The following TSPAN4 variants were observed in gnomAD, a reference collection of about 807,000 sequenced individuals.
The protein encoded by TSPAN4 is tetraspanin 4, also known as tetraspanin-4.
In TSPAN4, 38 loss-of-function variants were observed where a neutral mutation model predicts 31.5. The ratio of observed to expected loss-of-function variants is 1.21; its 90% CI spans 0.93 to 1.58. The LOEUF is 1.58. Ranked by LOEUF, TSPAN4 falls within the 40% of genes most tolerant of loss-of-function variation. The probability of loss-of-function intolerance (pLI) is 0.00; values close to 1 mark genes in which losing one functional copy is unlikely to be tolerated. For synonymous variants in TSPAN4, 186 were observed against 144.6 expected, an observed-to-expected ratio of 1.29 and a Z score of -2.06; for missense variants, 330 against 317.3, an observed-to-expected ratio of 1.04 and a Z score of -0.30.
intron 3 of TSPAN4, among the ~76,000 whole-genome samples, chr11:855,742 C>T (rs1848008749): frequency 6.6e-6 from 1 of 152,214 alleles, no homozygotes; most frequent in Non-Finnish European, 1.5e-5. Flanking sequence ...AGTGGACAGA[C>T]TTGTCATCCC....
At chr11:844,994 C>T (rs1037819409) in intron 1 of TSPAN4, among the ~76,000 whole-genome samples, 2 of 152,180 alleles carry the variant, frequency 1.3e-5, no homozygotes, top group African/African-American at 4.8e-5. Context: ...GGCTGGGATT[C>T]AGCTGAACTT....
At chr11:856,129 T>C (rs1032420509) in intron 3 of TSPAN4, among the ~76,000 whole-genome samples, 2 of 151,208 alleles carry the variant, frequency 1.3e-5, no homozygotes, top group African/African-American at 4.8e-5. Context: ...GAGCAGAGAA[T>C]GCATGGGCCT....
chr11:861,871 C>T (rs1383251335), intron 3 of TSPAN4, among the ~76,000 whole-genome samples: 3 of 152,118 alleles, frequency 2.0e-5, no homozygotes, highest in Non-Finnish European at 4.4e-5. Context: ...TGCAGTGAGC[C>T]CAGATGGTGC....
At chr11:854,665 G>C (rs1206456811) in intron 3 of TSPAN4, among the ~76,000 whole-genome samples, 2 of 152,232 alleles carry the variant, frequency 1.3e-5, no homozygotes, top group African/African-American at 2.4e-5. Flanking sequence ...ACTCTCTGTT[G>C]TTCCAAAGGA....
chr11:850,390 GGGCCCGGGAAA>G (rs1565131859), intron 3 of TSPAN4, 23 bp downstream of exon 3: 1 of 1,593,038 alleles, frequency 6.3e-7, no homozygotes, highest in East Asian at 2.2e-5. Flanking sequence ...GCCGGGGTGG[GGGCCCGGGAAA>G]GACCCGGGGT....
chr11:860,830 C>T (rs1465029972), intron 3 of TSPAN4, among the ~76,000 whole-genome samples: 1 of 152,128 alleles, frequency 6.6e-6, no homozygotes, highest in East Asian at 1.9e-4. Flanking sequence ...CCAGCCCATT[C>T]CCAAGTCCTG....
At chr11:865,888 CCGTGA>C (rs1194456998) in intron 7 of TSPAN4, 25 bp from the exon 8 acceptor site, 1 of 1,612,872 alleles carries the variant, frequency 6.2e-7, no homozygotes, top group Admixed American at 1.7e-5. Flanking sequence ...GCAGGCCCTG[CCGTGA>C]CACGCATGAC....
Position 865,619 on chromosome 11 carries a change from G to C in TSPAN4, c.432+5G>C. The C allele has an allele frequency of 6.2e-7, 1 of 1,612,856 alleles. No homozygotes were observed. Among genetic ancestry groups the C allele is most frequent in the East Asian group, 2.2e-5 (1 of 44,870 alleles). The stretch of plus-strand genomic sequence containing the variant: ...TGGAGCATCATCCAGACCGACGTGA[G>C]GCGTGGGCAGGTGGGCGGGGTCGGC... On this transcript the variant is annotated splice_donor_5th_base_variant and intron_variant, in intron 6 of 8. Coordinates refer to ENST00000397397, the MANE Select transcript of TSPAN4 (RefSeq NM_003271.5).
intron 3 of TSPAN4, chr11:856,732 A>C (rs1848064857): frequency 6.6e-6 from 1 of 152,290 alleles, no homozygotes; most frequent in African/African-American, 2.4e-5. Flanking sequence ...GCATTTGACC[A>C]GAGGGACCTG....
At position 848,850 on chromosome 11, in the gene TSPAN4, T is replaced by A. The variant is rs1847464735; in HGVS notation, c.-17-1438T>A. 1.5e-6 allele frequency: 1 copy of A among 688,184 alleles called. No homozygotes were observed. Among genetic ancestry groups the A allele is most frequent in the South Asian group, 1.6e-5 (1 of 62,856 alleles). The allele number at this position is 688,184 out of a possible 1,614,324, so 42.6% of individuals were successfully genotyped here. ...GCTGCAGGGCACAGCTGGGGGCCTC[T>A]GTCCCCATCTCCGGCTGTGGGAGGT... On this transcript the variant is annotated intron_variant, in intron 2 of 8. Coordinates refer to ENST00000397397, the MANE Select transcript of TSPAN4 (RefSeq NM_003271.5). The surrounding 1 kb of genome is among the most constrained non-coding windows in gnomAD (Gnocchi z 5.7).
At chr11:856,640 G>A (rs868552283) in intron 3 of TSPAN4, among the ~76,000 whole-genome samples, 3 of 152,296 alleles carry the variant, frequency 2.0e-5, no homozygotes, top group Admixed American at 1.3e-4. Context: ...TCTGGTTTCC[G>A]GGTCCAGGCC....
intron 1 of TSPAN4, among the ~76,000 whole-genome samples, chr11:845,110 G>C (rs989546305): frequency 1.3e-5 from 2 of 152,184 alleles, no homozygotes; most frequent in African/African-American, 4.8e-5. Flanking sequence ...GCTGAGGCTG[G>C]GCATGACCTT....
rs569205882 is a variant in TSPAN4 at position 845,929 on chromosome 11, C to T, written c.-117-1272C>T. Among the ~76,000 whole-genome samples, 294 of 152,296 alleles carry T rather than the reference C, an allele frequency of 1.9e-3. 3 individuals are homozygous for T. Among genetic ancestry groups the T allele is most frequent in the Non-Finnish European group, 7.2e-4 (49 of 68,010 alleles). ...CTGTATGTAGCCCCCAGTCCCTGCTCCTCTGTGTGCATGAGGGAGTGCCAG... is the reference window on the plus strand; with the variant it reads ...CTGTATGTAGCCCCCAGTCCCTGCTTCTCTGTGTGCATGAGGGAGTGCCAG... On this transcript the variant is annotated intron_variant, in intron 1 of 8. Coordinates refer to ENST00000397397, the MANE Select transcript of TSPAN4 (RefSeq NM_003271.5).
chr11:849,222 G>A (rs905026904), intron 2 of TSPAN4, among the ~76,000 whole-genome samples: 8 of 152,088 alleles, frequency 5.3e-5, no homozygotes, highest in Admixed American at 5.2e-4. Flanking sequence ...CTGGTGGAGG[G>A]GGGGTGGGTA....
At chr11:855,771 C>T (rs1254731783) in intron 3 of TSPAN4, among the ~76,000 whole-genome samples, 1 of 152,224 alleles carries the variant, frequency 6.6e-6, no homozygotes, top group Admixed American at 6.5e-5. Context: ...AGCATCCCAG[C>T]CATGACGGGG....
chr11:865,728 G>A lies in TSPAN4; in HGVS notation c.467G>A (p.Trp156Ter). The change falls in exon 7 of 9, where the codon TGG becomes TAG. Residue 156 changes from tryptophan to a stop codon, truncating the protein, a stop_gained. Coordinates refer to ENST00000397397, the MANE Select transcript of TSPAN4 (RefSeq NM_003271.5). LOFTEE classifies it high-confidence loss of function. ...RCCGVSNYTDWFEVYNATRVP... is the reference protein window; with the variant it reads ...RCCGVSNYTD The stretch of plus-strand genomic sequence containing the variant: ...TGTGGCGTCTCCAACTACACTGACT[G>A]GTTCGAGGTGTACAACGCCACGCGG... 2 of 1,613,466 alleles carry A rather than the reference G, an allele frequency of 1.2e-6. No individual in the cohort carries two copies. The highest frequency in any genetic ancestry group is 1.7e-6 in the Non-Finnish European group (2 of 1,179,964).
At chr11:843,162 G>A (rs577661638) in intron 1 of TSPAN4, 1 of 152,338 alleles carries the variant, frequency 6.6e-6, no homozygotes, top group South Asian at 2.1e-4. Context: ...TCTGCCCGCG[G>A]GGTGTCCGGG....
chr11:847,614 C>A (rs1171066051), intron 2 of TSPAN4, among the ~76,000 whole-genome samples: 4 of 151,008 alleles, frequency 2.6e-5, no homozygotes, highest in Non-Finnish European at 4.4e-5. Flanking sequence ...CGCCCCCACC[C>A]CCCCCCAACC....
Position 866,700 on chromosome 11 carries a change from CCCA to C in TSPAN4, c.*77_*79del. On this transcript the variant is annotated 3_prime_UTR_variant, in exon 9 of 9. Transcript: ENST00000397397. ...GATGGCCGCACCCACAGCTGCCTTT[CCCA>C]CCACCAGCCTCGGTGCTCTGCCCCA... 1.4e-6 allele frequency: 2 copies of C among 1,445,864 alleles called. No homozygotes were observed. Among genetic ancestry groups the C allele is most frequent in the Non-Finnish European group, 9.4e-7 (1 of 1,059,186 alleles). The allele number at this position is 1,445,864 out of a possible 1,614,324, so 89.6% of individuals were successfully genotyped here. A position where few individuals can be genotyped will look rare whatever the true frequency, so the allele number is the denominator to read the frequency against.
Sources: gnomAD v4.1 joint callset for allele counts (sites outside exome capture counted in the v4.1 genomes callset) on GRCh38, gnomAD v4.1.1 for gene constraint, Gnocchi (gnomAD v3.1) non-coding constraint, MANE v1.5 for transcripts, NCBI Gene and HGNC (gene_info 2026-07-23, HGNC 2026-07-21) for gene names.